Variants in SLC23A2 observed in about 807,000 individuals in gnomAD.
SLC23A2 encodes solute carrier family 23 member 2, also known as Na(+)/L-ascorbic acid transporter 2.
Under a neutral mutation model 73.3 loss-of-function variants are expected in SLC23A2, and 36 were observed. The ratio of observed to expected loss-of-function variants is 0.49; its 90% CI spans 0.38 to 0.65. The LOEUF is 0.65. Ranked by LOEUF, SLC23A2 falls within the 30% of genes least tolerant of loss-of-function variation. The pLI is 0.00. For missense variants in SLC23A2, 507 were observed against 841.6 expected (o/e 0.60, Z 4.92); for synonymous variants, 343 against 327.3 (o/e 1.05, Z -0.52).
At chr20:4,861,383 A>T (rs747319216) in intron 15 of SLC23A2, among the ~76,000 whole-genome samples, 1 of 152,260 alleles carries the variant, frequency 6.6e-6, no homozygotes, top group Non-Finnish European at 1.5e-5. Flanking sequence ...CACAAAAAAT[A>T]TATGTATAAA....
chr20:4,862,650 G>T lies in SLC23A2; in HGVS notation c.1486+128C>A. On this transcript the variant is annotated intron_variant, in intron 14 of 16. Coordinates refer to ENST00000338244, the MANE Select transcript of SLC23A2 (RefSeq NM_005116.6). This position sits in a 1 kb window ranked among gnomAD's most constrained non-coding sequence, Gnocchi z 5.1. Reference sequence around the variant, plus strand: ...TGATAAAAGTTTTCATTTTTTGAAGGCATATCCTTTGTATTTTAAAATAGA... The same window carrying T: ...TGATAAAAGTTTTCATTTTTTGAAGTCATATCCTTTGTATTTTAAAATAGA... 2.5e-6 allele frequency: 2 copies of T among 797,882 alleles called. No individual in the cohort carries two copies. Among genetic ancestry groups the T allele is most frequent in the Non-Finnish European group, 2.0e-6 (1 of 504,612 alleles). 49.4% of individuals were successfully genotyped at this position (797,882 alleles called of 1,614,324 possible). A position where few individuals can be genotyped will look rare whatever the true frequency, so the allele number is the denominator to read the frequency against.
chr20:5,009,685 G>C (rs1008844373), intron 1 of SLC23A2, among the ~76,000 whole-genome samples: 1 of 152,130 alleles, frequency 6.6e-6, no homozygotes, highest in Admixed American at 6.5e-5. Context: ...GCTGATGAGA[G>C]GTGAAATGCG....
intron 6 of SLC23A2, among the ~76,000 whole-genome samples, chr20:4,896,124 G>A (rs1330296300): frequency 6.6e-6 from 1 of 152,148 alleles, no homozygotes; most frequent in Non-Finnish European, 1.5e-5. Context: ...GAGAGAAGAG[G>A]AGACACACGA....
chr20:4,962,145 T>TAA (rs113200817), intron 2 of SLC23A2, among the ~76,000 whole-genome samples: 4,623 of 125,472 alleles, frequency 0.037, 101 homozygotes, highest in South Asian at 0.076. Context: ...TGATATTATT[T>TAA]TAAAAAAAAA....
intron 1 of SLC23A2, among the ~76,000 whole-genome samples, chr20:4,994,725 C>T (rs2087988941): frequency 6.6e-6 from 1 of 152,028 alleles, no homozygotes; most frequent in South Asian, 2.1e-4. Flanking sequence ...CGCACCACTG[C>T]ACTCCAGCCT....
Position 4,903,041 on chromosome 20 carries a change from C to T in SLC23A2, c.208-483G>A, listed in dbSNP as rs145683474. 2.1e-3 allele frequency among the ~76,000 whole-genome samples: 318 copies of T among 152,190 alleles called. 2 individuals carry two copies. The highest frequency in any genetic ancestry group is 7.2e-3 in the African/African-American group (297 of 41,520). The stretch of plus-strand genomic sequence containing the variant: ...AGGATCTTTGTACTTTAAAATTCTA[C>T]ACCCTCCTATCCAAACACTATTGCT... On this transcript the variant is annotated intron_variant, in intron 4 of 16. Coordinates refer to ENST00000338244, the MANE Select transcript of SLC23A2 (RefSeq NM_005116.6).
rs79938474 is a variant in SLC23A2 at position 4,912,949 on chromosome 20, G to A, written c.138C>T (p.Ser46=). The A allele has an allele frequency of 2.1e-3, 3,367 of 1,612,546 alleles. 2 individuals are homozygous for A. Among genetic ancestry groups the A allele is most frequent in the Non-Finnish European group, 2.7e-3 (3,148 of 1,178,990 alleles). ...PVVINGGATS[S]GEQDNEDTEL... ...CAGTGTCCTCATTGTCCTGCTCACC[G>A]CTGGAGGTGGCGCCTCCATTTATCA... The change falls in exon 4 of 17, where the codon AGC becomes AGT. Residue 46 remains serine (S), a synonymous_variant. Coordinates refer to ENST00000338244, the MANE Select transcript of SLC23A2 (RefSeq NM_005116.6).
At chr20:4,935,582 A>T (rs1165710379) in intron 2 of SLC23A2, among the ~76,000 whole-genome samples, 1 of 152,122 alleles carries the variant, frequency 6.6e-6, no homozygotes, top group African/African-American at 2.4e-5. Context: ...GCGGATCACG[A>T]GGTCAGGAGA....
chr20:4,953,082 C>T (rs146852442), intron 2 of SLC23A2, among the ~76,000 whole-genome samples: 43 of 151,536 alleles, frequency 2.8e-4, no homozygotes, highest in African/African-American at 9.9e-4. Flanking sequence ...CCGAGGCAGG[C>T]GGATCACAAG....
chr20:4,967,110 C>G (rs1032258861), intron 2 of SLC23A2, among the ~76,000 whole-genome samples: 1 of 139,100 alleles, frequency 7.2e-6, no homozygotes, highest in African/African-American at 2.7e-5. Context: ...AAGCCCAGAA[C>G]CAGTACAAGA....
At chr20:4,914,998 C>T (rs1211630094) in intron 3 of SLC23A2, among the ~76,000 whole-genome samples, 1 of 151,850 alleles carries the variant, frequency 6.6e-6, no homozygotes, top group African/African-American at 2.4e-5. Flanking sequence ...CCTGGGTGAC[C>T]GAGCAAGACA....
intron 2 of SLC23A2, among the ~76,000 whole-genome samples, chr20:4,966,837 C>CACACACACACAT (rs2087484222): frequency 2.0e-5 from 3 of 147,066 alleles, no homozygotes; most frequent in African/African-American, 5.1e-5. Flanking sequence ...CACACACACA[C>CACACACACACAT]ACACACACAC....
intron 2 of SLC23A2, among the ~76,000 whole-genome samples, chr20:4,968,002 G>C (rs916912643): frequency 6.6e-6 from 1 of 152,182 alleles, no homozygotes; most frequent in Non-Finnish European, 1.5e-5. Flanking sequence ...ATCATCTCAA[G>C]GCAAATGGAA....
intron 4 of SLC23A2, among the ~76,000 whole-genome samples, chr20:4,910,264 C>A (rs1174384230): frequency 6.6e-6 from 1 of 151,892 alleles, no homozygotes; most frequent in African/African-American, 2.4e-5. Flanking sequence ...CTGGTCCCAG[C>A]TACTCAGGAG....
At chr20:4,869,610 T>G in intron 12 of SLC23A2, 3 of 315,122 alleles carry the variant, frequency 9.5e-6, no homozygotes, top group African/African-American at 4.2e-5. Flanking sequence ...GGTTTTTGAA[T>G]TTAAGGCTTA....
intron 9 of SLC23A2, among the ~76,000 whole-genome samples, chr20:4,875,928 C>T (rs924798153): frequency 2.0e-5 from 3 of 152,200 alleles, no homozygotes; most frequent in Non-Finnish European, 4.4e-5. Flanking sequence ...TGTGACTCCA[C>T]TGTCACATTC....
At chr20:4,981,533 T>TA (rs891026236) in intron 1 of SLC23A2, among the ~76,000 whole-genome samples, 2 of 152,174 alleles carry the variant, frequency 1.3e-5, no homozygotes, top group Non-Finnish European at 2.9e-5. Context: ...CGTAGTTTTT[T>TA]AAAGTTTCCC....
At chr20:4,877,545 A>C (rs960114039) in intron 9 of SLC23A2, among the ~76,000 whole-genome samples, 2 of 152,226 alleles carry the variant, frequency 1.3e-5, no homozygotes, top group Admixed American at 6.5e-5. Context: ...GGATAAAAAC[A>C]AAATTTTTTA....
rs1929570076 is a variant in SLC23A2, at chr20:4,852,640, T to C, written c.*4332A>G. On this transcript the variant is annotated 3_prime_UTR_variant, in exon 17 of 17. Coordinates refer to ENST00000338244, the MANE Select transcript of SLC23A2 (RefSeq NM_005116.6). The surrounding 1 kb of genome is among the most constrained non-coding windows in gnomAD (Gnocchi z 4.3). Reference sequence around the variant, plus strand: ...CCCAGAAAGGTATATATAGCCAAAGTCAGTCACAAAAACTCAAGGAAAATA... The same window carrying C: ...CCCAGAAAGGTATATATAGCCAAAGCCAGTCACAAAAACTCAAGGAAAATA... 1 of 152,374 alleles carries C rather than the reference T, an allele frequency of 6.6e-6. No homozygotes were observed. Among genetic ancestry groups the C allele is most frequent in the Non-Finnish European group, 1.5e-5 (1 of 68,004 alleles). 9.4% of individuals were successfully genotyped at this position (152,374 alleles called of 1,614,324 possible).
Sources: gnomAD v4.1 joint callset for allele counts (sites outside exome capture counted in the v4.1 genomes callset) on GRCh38, gnomAD v4.1.1 for gene constraint, Gnocchi (gnomAD v3.1) non-coding constraint, MANE v1.5 for transcripts, NCBI Gene and HGNC (gene_info 2026-07-23, HGNC 2026-07-21) for gene names.